CDH13: variants seen among roughly 807,000 people sequenced by gnomAD.
The protein encoded by CDH13 is cadherin 13.
In CDH13, 24 loss-of-function variants were observed where a neutral mutation model predicts 63.8. The ratio of observed to expected loss-of-function variants is 0.38; its 90% CI spans 0.27 to 0.53. The LOEUF is 0.53. CDH13 is among the 20% of genes least tolerant of loss of function. CDH13 has a pLI of 0.85. For synonymous variants in CDH13, 503 were observed against 355.3 expected, an observed-to-expected ratio of 1.42 and a Z score of -4.67; for missense variants, 1,049 against 903.1, an observed-to-expected ratio of 1.16 and a Z score of -2.07.
At chr16:82,720,565 C>A (rs1208510942) in intron 1 of CDH13, among the ~76,000 whole-genome samples, 2 of 152,026 alleles carry the variant, frequency 1.3e-5, no homozygotes, top group African/African-American at 4.8e-5. Flanking sequence ...GTTCACTTCA[C>A]ATGCACAACT....
At chr16:83,274,726 A>AG (rs368105492) in intron 5 of CDH13, among the ~76,000 whole-genome samples, 273 of 152,074 alleles carry the variant, frequency 1.8e-3, no homozygotes, top group Admixed American at 3.5e-3. Flanking sequence ...ACCTGGTGGC[A>AG]GGGGGGGTGT....
At chr16:83,553,330 A>G (rs987709529) in intron 7 of CDH13, among the ~76,000 whole-genome samples, 1 of 152,226 alleles carries the variant, frequency 6.6e-6, no homozygotes, top group Non-Finnish European at 1.5e-5. Flanking sequence ...ATTGTAGGCA[A>G]CACAGGAAAT....
intron 6 of CDH13, among the ~76,000 whole-genome samples, chr16:83,389,519 C>T (rs1040610965): frequency 2.0e-5 from 3 of 152,148 alleles, no homozygotes; most frequent in Non-Finnish European, 4.4e-5. Context: ...TTTTTATAAA[C>T]AAGCACATTC....
chr16:83,400,267 G>T (rs556889804), intron 6 of CDH13, among the ~76,000 whole-genome samples: 2 of 152,110 alleles, frequency 1.3e-5, no homozygotes, highest in South Asian at 2.1e-4. Context: ...TTCTCTTCTC[G>T]TTGTAAATTT....
chr16:82,671,520 C>T lies in CDH13; in HGVS notation c.45+44383C>T, dbSNP rs16958101. 2.3e-3 allele frequency among the ~76,000 whole-genome samples: 353 copies of T among 152,228 alleles called. 2 individuals carry two copies. The highest frequency in any genetic ancestry group is 8.2e-3 in the African/African-American group (339 of 41,522). ...TTTAAGAAAACGATTACACCTATAC[C>T]TTCAATATCAAAGCAGATCAATTTT... is the stretch of plus-strand genomic sequence containing the variant. On this transcript the variant is annotated intron_variant, in intron 1 of 13. Transcript: ENST00000567109.
At chr16:83,651,861 C>T (rs1598416516) in intron 8 of CDH13, among the ~76,000 whole-genome samples, 2 of 152,174 alleles carry the variant, frequency 1.3e-5, no homozygotes, top group South Asian at 2.1e-4. Context: ...TCCCAAAGTG[C>T]TGGAATTACA....
intron 2 of CDH13, among the ~76,000 whole-genome samples, chr16:82,903,825 A>G (rs1274451476): frequency 6.6e-6 from 1 of 152,170 alleles, no homozygotes; most frequent in East Asian, 1.9e-4. Context: ...TGTTTCGTAA[A>G]TAAGAGCACT....
intron 5 of CDH13, among the ~76,000 whole-genome samples, chr16:83,325,447 G>C (rs774644030): frequency 6.6e-6 from 1 of 152,066 alleles, no homozygotes; most frequent in Non-Finnish European, 1.5e-5. Flanking sequence ...GTTGGAAAAC[G>C]TTTTCTGTAA....
chr16:83,380,129 A>C (rs2091536416), intron 6 of CDH13, among the ~76,000 whole-genome samples: 2 of 152,056 alleles, frequency 1.3e-5, no homozygotes, highest in South Asian at 4.1e-4. Context: ...TGAGGATGAG[A>C]GTGGTTGTCA....
At position 83,747,351 on chromosome 16, in the gene CDH13, G is replaced by A. The variant is rs1191962422; in HGVS notation, c.1539-757G>A. ...ATAGTGAATAAGTCCCATGAGATAT[G>A]ATGGTTTTATAAAGGGAAACCCATT... On this transcript the variant is annotated intron_variant, in intron 10 of 13. Transcript: ENST00000567109. Among the ~76,000 whole-genome samples, 5 of 152,114 alleles carry A rather than the reference G, an allele frequency of 3.3e-5. No individual in the cohort carries two copies. The East Asian group carries it at 9.6e-4, about 29-fold the overall frequency.
chr16:83,506,458 T>C (rs1011933096), intron 7 of CDH13, among the ~76,000 whole-genome samples: 4 of 152,230 alleles, frequency 2.6e-5, no homozygotes, highest in African/African-American at 9.6e-5. Flanking sequence ...GTCTGACCCA[T>C]GCTTTCTGGC....
At chr16:83,769,376 C>T in intron 11 of CDH13, among the ~76,000 whole-genome samples, 1 of 152,166 alleles carries the variant, frequency 6.6e-6, no homozygotes, top group East Asian at 1.9e-4. Flanking sequence ...GCTACTGTAA[C>T]TGAGGAACTG....
chr16:83,125,466 A>AATC lies in CDH13; in HGVS notation c.450_452dup (p.Asn150_Gln151insHis). Reference sequence around the variant, plus strand: ...GGTATCTCCCATTTTAATTCCAGAGAATCAGAGACAGCCTTTCCCAAGAGA... The same window carrying AATC: ...GGTATCTCCCATTTTAATTCCAGAGAATCATCAGAGACAGCCTTTCCCAAGAGA... On this transcript the variant is annotated inframe_insertion, in exon 4 of 14. Transcript: ENST00000567109. 1 of 1,609,384 alleles carries AATC rather than the reference A, an allele frequency of 6.2e-7. No homozygotes were observed. Among genetic ancestry groups the AATC allele is most frequent in the Non-Finnish European group, 8.5e-7 (1 of 1,175,784 alleles).
intron 1 of CDH13, among the ~76,000 whole-genome samples, chr16:82,807,816 A>G (rs986932093): frequency 6.6e-6 from 1 of 152,214 alleles, no homozygotes; most frequent in African/African-American, 2.4e-5. Flanking sequence ...AATTAGATCC[A>G]TAAAAATAAT....
chr16:83,093,962 A>G (rs1335252257), intron 3 of CDH13, among the ~76,000 whole-genome samples: 1 of 152,194 alleles, frequency 6.6e-6, no homozygotes, highest in Non-Finnish European at 1.5e-5. Context: ...TGGAGAGAAG[A>G]GTTACAGAAA....
intron 3 of CDH13, among the ~76,000 whole-genome samples, chr16:83,098,093 C>G (rs1333693272): frequency 1.3e-5 from 2 of 152,166 alleles, no homozygotes; most frequent in Non-Finnish European, 2.9e-5. Flanking sequence ...TCTGAAGGGT[C>G]TGGCTTATAA....
intron 4 of CDH13, among the ~76,000 whole-genome samples, chr16:83,151,664 A>G (rs1188008241): frequency 2.0e-5 from 3 of 152,216 alleles, no homozygotes; most frequent in East Asian, 1.9e-4. Context: ...TACTTAGTCT[A>G]TTAGAAATAA....
intron 5 of CDH13, among the ~76,000 whole-genome samples, chr16:83,306,299 C>G (rs1178998850): frequency 6.6e-6 from 1 of 152,114 alleles, no homozygotes; most frequent in African/African-American, 2.4e-5. Context: ...AATTGGATCC[C>G]CAGTGTGGGG....
intron 3 of CDH13, among the ~76,000 whole-genome samples, chr16:83,115,645 T>TCAC (rs1288060478): frequency 2.0e-5 from 3 of 152,244 alleles, no homozygotes; most frequent in Non-Finnish European, 4.4e-5. Flanking sequence ...TGCATGAGTC[T>TCAC]CACCTTTCAC....
Sources: gnomAD v4.1 joint callset for allele counts (sites outside exome capture counted in the v4.1 genomes callset) on GRCh38, gnomAD v4.1.1 for gene constraint, MANE v1.5 for transcripts, NCBI Gene and HGNC (gene_info 2026-07-23, HGNC 2026-07-21) for gene names.